Variants in DPP6 observed in about 807,000 individuals in gnomAD.
DPP6 encodes the protein A-type potassium channel modulatory protein DPP6.
DPP6 carries 69 observed loss-of-function variants against 122.6 expected under a neutral mutation model. The observed-to-expected ratio is 0.56, with a 90% CI of 0.46 to 0.69. The LOEUF is 0.69. Among genes scored for constraint, DPP6 ranks in the 30% least tolerant of loss-of-function variants. DPP6 has a pLI of 0.00. For synonymous variants in DPP6, 418 were observed against 433.1 expected, an observed-to-expected ratio of 0.97 and a Z score of 0.43; for missense variants, 928 against 1,116.9, an observed-to-expected ratio of 0.83 and a Z score of 2.41.
intron 1 of DPP6, among the ~76,000 whole-genome samples, chr7:154,311,183 C>G (rs1364196313): frequency 6.6e-6 from 1 of 152,116 alleles, no homozygotes; most frequent in Non-Finnish European, 1.5e-5. Flanking sequence ...AGCCTTAAAT[C>G]ATGGAAGTAG....
Position 154,893,064 on chromosome 7 carries a change from A to C in DPP6, c.*584A>C. On this transcript the variant is annotated 3_prime_UTR_variant, in exon 26 of 26. Coordinates refer to ENST00000377770, the MANE Select transcript of DPP6 (RefSeq NM_130797.4). ...CTTACTGTAGCTACGCTAATGGTTA[A>C]CCTGATAGAATTAACTCGTATTTTT... 1 of 434,582 alleles carries C rather than the reference A, an allele frequency of 2.3e-6. No individual in the cohort carries two copies. The highest frequency in any genetic ancestry group is 4.6e-6 in the Non-Finnish European group (1 of 217,624). 26.9% of individuals were successfully genotyped at this position (434,582 alleles called of 1,614,324 possible).
chr7:154,098,048 A>ACAG lies in DPP6; in HGVS notation c.243+44985_243+44986insCAG, dbSNP rs1427394627. Among the ~76,000 whole-genome samples, 206 of 152,272 alleles carry ACAG rather than the reference A, an allele frequency of 1.4e-3. 1 individual carries two copies. Among genetic ancestry groups the ACAG allele is most frequent in the East Asian group, 1.7e-3 (9 of 5,184 alleles). On this transcript the variant is annotated intron_variant, in intron 1 of 25. Coordinates refer to ENST00000377770, the MANE Select transcript of DPP6 (RefSeq NM_130797.4). The stretch of plus-strand genomic sequence containing the variant: ...ACCTCTTGAAGGGAGAGGTATTGAT[A>ACAG]TGGTTCTGCTGTGTCCCCACCCAAA...
chr7:153,969,686 A>T (rs530769965), intron 1 of DPP6, among the ~76,000 whole-genome samples: 1 of 148,710 alleles, frequency 6.7e-6, no homozygotes, highest in East Asian at 1.9e-4. Flanking sequence ...TGTCCTCTTT[A>T]TTGAGATACA....
chr7:154,894,187 A>C lies in DPP6; in HGVS notation c.*1707A>C, dbSNP rs1233626074. On this transcript the variant is annotated 3_prime_UTR_variant, in exon 26 of 26. Coordinates refer to ENST00000377770, the MANE Select transcript of DPP6 (RefSeq NM_130797.4). Reference sequence around the variant, plus strand: ...CGACTACAAAGCCAGCTAGGTCTGGAAGGGGAAGCCAGCTCTGGCCACGAC... The same window carrying C: ...CGACTACAAAGCCAGCTAGGTCTGGCAGGGGAAGCCAGCTCTGGCCACGAC... 1 of 152,244 alleles carries C rather than the reference A, an allele frequency of 6.6e-6. No individual in the cohort carries two copies. The highest frequency in any genetic ancestry group is 1.5e-5 in the Non-Finnish European group (1 of 68,068). 9.4% of individuals were successfully genotyped at this position (152,244 alleles called of 1,614,324 possible). A position where few individuals can be genotyped will look rare whatever the true frequency, so the allele number is the denominator to read the frequency against.
chr7:154,311,221 C>G (rs558336631), intron 1 of DPP6, among the ~76,000 whole-genome samples: 7 of 152,226 alleles, frequency 4.6e-5, no homozygotes, highest in Admixed American at 4.6e-4. Context: ...CATGGGGAGC[C>G]GCGTGCAGTG....
the DPP6 span, among the ~76,000 whole-genome samples, chr7:153,795,998 CT>C: frequency 6.7e-6 from 1 of 149,324 alleles, no homozygotes; most frequent in Non-Finnish European, 1.5e-5. Context: ...GACTTTAACC[CT>C]TTTAAATTTA....
At chr7:154,675,715 C>T (rs1838856167) in intron 7 of DPP6, among the ~76,000 whole-genome samples, 1 of 152,164 alleles carries the variant, frequency 6.6e-6, no homozygotes, top group African/African-American at 2.4e-5. Context: ...GGCACATTCA[C>T]CTATTGGCAC....
chr7:154,616,866 G>A (rs374235194), intron 5 of DPP6, among the ~76,000 whole-genome samples: 54 of 152,234 alleles, frequency 3.5e-4, no homozygotes, highest in African/African-American at 1.3e-3. Context: ...TTCAAATTTT[G>A]TCTTCTTAAA....
intron 1 of DPP6, among the ~76,000 whole-genome samples, chr7:154,434,922 C>T (rs545083105): frequency 6.6e-6 from 1 of 152,298 alleles, no homozygotes; most frequent in East Asian, 1.9e-4. Context: ...GCAACCTCTG[C>T]CTCCCAGGTT....
At chr7:154,156,263 T>C (rs1299058993) in intron 1 of DPP6, among the ~76,000 whole-genome samples, 1 of 152,272 alleles carries the variant, frequency 6.6e-6, no homozygotes, top group Non-Finnish European at 1.5e-5. Context: ...GGCAGGATGC[T>C]GTGAGACTGG....
At chr7:154,223,727 A>T (rs1800435352) in intron 1 of DPP6, among the ~76,000 whole-genome samples, 1 of 149,468 alleles carries the variant, frequency 6.7e-6, no homozygotes, top group South Asian at 2.1e-4. Flanking sequence ...GTGGTGTGCC[A>T]CATCTTCCTA....
chr7:154,417,154 C>G (rs1817094571), intron 1 of DPP6, among the ~76,000 whole-genome samples: 1 of 152,288 alleles, frequency 6.6e-6, no homozygotes, highest in South Asian at 2.1e-4. Context: ...GTCTGGGCTA[C>G]TTGACTTTCG....
chr7:154,275,411 C>T (rs749551240), intron 1 of DPP6, among the ~76,000 whole-genome samples: 4 of 152,148 alleles, frequency 2.6e-5, no homozygotes, highest in Non-Finnish European at 5.9e-5. Flanking sequence ...GCCCAAAGAG[C>T]GGAACAAAGA....
At position 154,668,220 on chromosome 7, in the gene DPP6, A is replaced by ATATATATATATATAT. The variant is rs59348250; in HGVS notation, c.681-1136_681-1135insTATATATATATTATA. Among the ~76,000 whole-genome samples, 167 of 24,946 alleles carry ATATATATATATATAT rather than the reference A, an allele frequency of 6.7e-3. 9 individuals are homozygous for ATATATATATATATAT. In the Middle Eastern group the frequency reaches 0.083, roughly 12 times the overall value. The allele number at this position is 24,946 out of a possible 152,430, so 16.4% of individuals were successfully genotyped here. A position where few individuals can be genotyped will look rare whatever the true frequency, so the allele number is the denominator to read the frequency against. On this transcript the variant is annotated intron_variant, in intron 6 of 25. Transcript: ENST00000377770. ...TTTTATATATATATATATATATATA[A>ATATATATATATATAT]TATACACATTTTTTTTTCAAGACAG...
rs1801595698 is a variant in DPP6 at position 154,241,255 on chromosome 7, C to T, written c.243+188192C>T. Reference sequence around the variant, plus strand: ...TAGAGAGAGAGAGAGACACTTTTATCCATTTAGGAAGACAAACATATTCAT... The same window carrying T: ...TAGAGAGAGAGAGAGACACTTTTATTCATTTAGGAAGACAAACATATTCAT... On this transcript the variant is annotated intron_variant, in intron 1 of 25. Transcript: ENST00000377770. This position sits in a 1 kb window ranked among gnomAD's most constrained non-coding sequence, Gnocchi z 9.0. Among the ~76,000 whole-genome samples the T allele has an allele frequency of 1.4e-5, 2 of 146,514 alleles. No homozygotes were observed. The highest frequency in any genetic ancestry group is 3.0e-5 in the Non-Finnish European group (2 of 66,606).
intron 3 of DPP6, among the ~76,000 whole-genome samples, chr7:154,503,123 G>C (rs1563771324): frequency 6.6e-6 from 1 of 152,206 alleles, no homozygotes; most frequent in Non-Finnish European, 1.5e-5. Flanking sequence ...TTGGAGATCA[G>C]AGAGTTGAAG....
At chr7:154,429,655 C>T (rs1027245915) in intron 1 of DPP6, among the ~76,000 whole-genome samples, 1 of 152,246 alleles carries the variant, frequency 6.6e-6, no homozygotes, top group African/African-American at 2.4e-5. Context: ...GTGTCACTGT[C>T]ATGGTTGAAT....
At chr7:153,938,680 G>T (rs973201663) in intron 1 of DPP6, among the ~76,000 whole-genome samples, 1 of 152,166 alleles carries the variant, frequency 6.6e-6, no homozygotes, top group South Asian at 2.1e-4. Flanking sequence ...CTCTCACACG[G>T]CCTCCTCTCG....
chr7:153,966,974 G>A (rs1795775694), intron 1 of DPP6, among the ~76,000 whole-genome samples: 1 of 150,966 alleles, frequency 6.6e-6, no homozygotes. Context: ...GGCTGAGGTG[G>A]GAAGATCACT....
Sources: gnomAD v4.1 joint callset for allele counts (sites outside exome capture counted in the v4.1 genomes callset) on GRCh38, gnomAD v4.1.1 for gene constraint, Gnocchi (gnomAD v3.1) non-coding constraint, MANE v1.5 for transcripts, NCBI Gene and HGNC (gene_info 2026-07-23, HGNC 2026-07-21) for gene names.